The following PITPNM2 variants were observed in gnomAD, a reference collection of about 807,000 sequenced individuals.
The protein encoded by PITPNM2 is phosphatidylinositol transfer protein membrane associated 2, also known as membrane-associated phosphatidylinositol transfer protein 2.
In PITPNM2, 35 loss-of-function variants were observed where a neutral mutation model predicts 132.2. The ratio of observed to expected loss-of-function variants is 0.26; its 90% confidence interval spans 0.20 to 0.35. PITPNM2 has a LOEUF of 0.35. Among genes scored for constraint, PITPNM2 ranks in the 10% least tolerant of loss-of-function variants. The pLI is 1.00. For synonymous variants in PITPNM2, 738 were observed against 799.2 expected (o/e 0.92, Z 1.29); for missense variants, 1,332 against 1,912.0 (o/e 0.70, Z 5.66).
In PITPNM2 at chr12:123,036,394, G is replaced by A. The variant is rs1396205966; in HGVS notation, c.-95-1709C>T. On this transcript the variant is annotated intron_variant, in intron 2 of 25. Coordinates refer to ENST00000320201, the MANE Select transcript of PITPNM2 (RefSeq NM_020845.3). The surrounding 1 kb of genome is among the most constrained non-coding windows in gnomAD (Gnocchi z 4.1). ...TGTTTAGTTCACAGCAGGTAGGAAC[G>A]TCAGCCCGAAGCCCATTCAAATTCT... is the stretch of plus-strand genomic sequence containing the variant. Among the ~76,000 whole-genome samples, 2 of 152,158 alleles carry A rather than the reference G, an allele frequency of 1.3e-5. No homozygotes were observed. Among genetic ancestry groups the A allele is most frequent in the African/African-American group, 4.8e-5 (2 of 41,430 alleles).
At chr12:123,046,524 C>T (rs982585030) in intron 2 of PITPNM2, among the ~76,000 whole-genome samples, 1 of 152,088 alleles carries the variant, frequency 6.6e-6, no homozygotes, top group South Asian at 2.1e-4. Context: ...CAACCATCAC[C>T]CCTATCTAAT....
Position 122,988,296 on chromosome 12 carries a change from C to G in PITPNM2, c.2935G>C (p.Val979Leu), listed in dbSNP as rs969012936. 2.5e-6 allele frequency: 4 copies of G among 1,613,346 alleles called. No individual in the cohort carries two copies. In the African/African-American group the frequency reaches 5.3e-5, roughly 22 times the overall value. Reference sequence around the variant, plus strand: ...TCCCTTGGCTTTGAGGGGGTGAACACCGACACTTCCTTGCCATCCAGCTCC... The same window carrying G: ...TCCCTTGGCTTTGAGGGGGTGAACAGCGACACTTCCTTGCCATCCAGCTCC... ...ILELDGKEVS[V>L]FTPSKPREKW... is the part of the protein sequence containing the mutation. The change falls in exon 20 of 26, where the codon GTG (valine) becomes CTG (leucine). Residue 979 changes from valine (V) to leucine (L), a missense_variant. Val to Leu is a conservative substitution (Grantham distance 32, BLOSUM62 1). This residue lies in a region of PITPNM2 where 251 missense variants were observed against 472.0 expected (regional missense o/e 0.53). Transcript: ENST00000320201.
intron 2 of PITPNM2, among the ~76,000 whole-genome samples, chr12:123,057,965 C>G (rs1391753499): frequency 6.6e-6 from 1 of 152,188 alleles, no homozygotes; most frequent in Non-Finnish European, 1.5e-5. Context: ...ACCCTCCGTG[C>G]CAGCTGGGCC....
chr12:123,045,890 C>A (rs898842502), intron 2 of PITPNM2, among the ~76,000 whole-genome samples: 12 of 152,102 alleles, frequency 7.9e-5, no homozygotes, highest in Non-Finnish European at 1.8e-4. Context: ...CCACTCTGAG[C>A]CCCCGTGACT....
rs2038429374 is a variant in PITPNM2 at position 122,996,466 on chromosome 12, T to C, written c.1774A>G (p.Ser592Gly). 6.2e-7 allele frequency: 1 copy of C among 1,613,100 alleles called. No individual in the cohort carries two copies. The highest frequency in any genetic ancestry group is 8.5e-7 in the Non-Finnish European group (1 of 1,179,994). Reference sequence around the variant, plus strand: ...GGCCCCCACTTGGGTACCTGCATGCTGACCACGCTGCCCCGGCGGCTGCTG... The same window carrying C: ...GGCCCCCACTTGGGTACCTGCATGCCGACCACGCTGCCCCGGCGGCTGCTG... ...QSSSRRGSVV[S>G]MQDNDLLSPG... is the part of the protein sequence containing the mutation. Residue 592 changes from serine (S) to glycine (G), a missense_variant, in exon 13 of 26, where the codon AGC becomes GGC. Ser to Gly is a moderately conservative substitution (Grantham distance 56). Transcript: ENST00000320201.
chr12:123,109,110 C>T, intron 2 of PITPNM2, among the ~76,000 whole-genome samples: 1 of 152,196 alleles, frequency 6.6e-6, no homozygotes, highest in East Asian at 1.9e-4. Context: ...GCAGCAGGGG[C>T]TGGGTACATT....
chr12:122,986,263 C>A lies in PITPNM2; in HGVS notation c.3814G>T (p.Ala1272Ser). Reference sequence around the variant, plus strand: ...AGGCCGAAGCTGCCCTTGCGCAGCGCCATGCGGGTGGCCGTGTTGCGAGCG... The same window carrying A: ...AGGCCGAAGCTGCCCTTGCGCAGCGACATGCGGGTGGCCGTGTTGCGAGCG... ...RPARNTATRMALRKGSFGLPG... is the reference protein window; with the variant it reads ...RPARNTATRMSLRKGSFGLPG... Residue 1272 changes from alanine to serine, a missense_variant, in exon 26 of 26, where the codon GCG (alanine) becomes TCG (serine). By Grantham distance (99) the Ala-to-Ser change is moderately conservative. Coordinates refer to ENST00000320201, the MANE Select transcript of PITPNM2 (RefSeq NM_020845.3). 6.3e-7 allele frequency: 1 copy of A among 1,582,178 alleles called. No individual in the cohort carries two copies. Among genetic ancestry groups the A allele is most frequent in the Non-Finnish European group, 8.6e-7 (1 of 1,168,842 alleles).
chr12:123,025,897 A>G lies in PITPNM2; in HGVS notation c.78+8616T>C, dbSNP rs576033119. 1.5e-4 allele frequency among the ~76,000 whole-genome samples: 23 copies of G among 152,136 alleles called. 1 individual carries two copies. In the South Asian group the frequency reaches 3.9e-3, roughly 26 times the overall value. ...TTAGGAAAGGTGTATTAGCACTATT[A>G]CCCCCAAGTCACAGATGAGACGATC... On this transcript the variant is annotated intron_variant, in intron 3 of 25. Transcript: ENST00000320201.
At chr12:123,001,198 G>T (rs754106698) in intron 8 of PITPNM2, 40 bp from the exon 9 acceptor site, 13 of 1,544,800 alleles carry the variant, frequency 8.4e-6, no homozygotes, top group Non-Finnish European at 1.2e-5. Flanking sequence ...GACTGGGAAC[G>T]CTGGGGAAGC....
rs577737704 is a variant in PITPNM2, at chr12:123,012,913, A to G, written c.294-179T>C. ...CTTGGATCGCCACTTTGTCCCAAGAACAGCCAGGATGGGGGCAGGGAAGGA... is the reference window on the plus strand; with the variant it reads ...CTTGGATCGCCACTTTGTCCCAAGAGCAGCCAGGATGGGGGCAGGGAAGGA... On this transcript the variant is annotated intron_variant, in intron 4 of 25. Coordinates refer to ENST00000320201, the MANE Select transcript of PITPNM2 (RefSeq NM_020845.3). Among the ~76,000 whole-genome samples, 13 of 152,252 alleles carry G rather than the reference A, an allele frequency of 8.5e-5. No homozygotes were observed. The South Asian group carries it at 2.5e-3, about 29-fold the overall frequency.
intron 2 of PITPNM2, chr12:123,091,399 T>G (rs1170860273): frequency 6.6e-6 from 1 of 152,160 alleles, no homozygotes; most frequent in Non-Finnish European, 1.5e-5. Flanking sequence ...CTTATCAATT[T>G]CCCCCATTTC....
chr12:123,123,627 A>C (rs545794445), intron 1 of PITPNM2, among the ~76,000 whole-genome samples: 2 of 152,076 alleles, frequency 1.3e-5, no homozygotes, highest in South Asian at 2.1e-4. Flanking sequence ...AAAAACAAAA[A>C]AAAATTAAAT....
chr12:123,018,006 TCCTTCCTTCCTTC>T (rs1428036029), intron 3 of PITPNM2, among the ~76,000 whole-genome samples: 4 of 136,358 alleles, frequency 2.9e-5, no homozygotes, highest in African/African-American at 1.2e-4. Context: ...CTTCCTTCCT[TCCTTCCTTCCTTC>T]CTTCCTTCCT....
At chr12:123,137,786 A>T (rs1429996434) in intron 1 of PITPNM2, among the ~76,000 whole-genome samples, 1 of 151,428 alleles carries the variant, frequency 6.6e-6, no homozygotes, top group Non-Finnish European at 1.5e-5. Flanking sequence ...CCAGCTACTC[A>T]GGAGGCTGAG....
At position 123,077,147 on chromosome 12, in the gene PITPNM2, G is replaced by T. The variant is rs901375651; in HGVS notation, c.-96+33238C>A. Among the ~76,000 whole-genome samples, 2 of 152,312 alleles carry T rather than the reference G, an allele frequency of 1.3e-5. No individual in the cohort carries two copies. The highest frequency in any genetic ancestry group is 6.5e-5 in the Admixed American group (1 of 15,304). ...AAATCCTGCCTGACCAAACTGTGCCGAGGGGCTGTCCCAAACAGATGGTGC... is the reference window on the plus strand; with the variant it reads ...AAATCCTGCCTGACCAAACTGTGCCTAGGGGCTGTCCCAAACAGATGGTGC... On this transcript the variant is annotated intron_variant, in intron 2 of 25. Coordinates refer to ENST00000320201, the MANE Select transcript of PITPNM2 (RefSeq NM_020845.3). The surrounding 1 kb of genome is among the most constrained non-coding windows in gnomAD (Gnocchi z 4.8).
At chr12:123,021,479 G>A (rs1382233831) in intron 3 of PITPNM2, among the ~76,000 whole-genome samples, 4 of 152,212 alleles carry the variant, frequency 2.6e-5, no homozygotes, top group African/African-American at 9.6e-5. Flanking sequence ...CTACAGGCGT[G>A]CACCCCACCA....
Position 123,095,207 on chromosome 12 carries a change from G to C in PITPNM2, c.-96+15178C>G, listed in dbSNP as rs1315132698. 1.3e-5 allele frequency among the ~76,000 whole-genome samples: 2 copies of C among 152,144 alleles called. No individual in the cohort carries two copies. Among genetic ancestry groups the C allele is most frequent in the African/African-American group, 4.8e-5 (2 of 41,428 alleles). On this transcript the variant is annotated intron_variant, in intron 2 of 25. Coordinates refer to ENST00000320201, the MANE Select transcript of PITPNM2 (RefSeq NM_020845.3). The surrounding 1 kb of genome is among the most constrained non-coding windows in gnomAD (Gnocchi z 5.0). ...CCCAGGGGAATGGGCTGCTCCCCTG[G>C]GGAGTCGGTTATCTCTGCTCCAGAC...
intron 2 of PITPNM2, among the ~76,000 whole-genome samples, chr12:123,080,968 T>C (rs2041945029): frequency 6.6e-6 from 1 of 152,220 alleles, no homozygotes; most frequent in African/African-American, 2.4e-5. Flanking sequence ...ATGTGATGAA[T>C]GGGAGTGGGA....
chr12:122,995,344 C>CT, intron 14 of PITPNM2, 45 bp downstream of exon 14: 1 of 1,541,898 alleles, frequency 6.5e-7, no homozygotes, highest in Non-Finnish European at 8.7e-7. Context: ...CTTGGAGCCT[C>CT]TTCCCACACC....
Sources: allele counts gnomAD v4.1 joint callset (sites outside exome capture counted in the v4.1 genomes callset), GRCh38; gene constraint gnomAD v4.1.1; regional missense constraint gnomAD v4.1.1; non-coding constraint Gnocchi (gnomAD v3.1); transcripts MANE v1.5; gene names NCBI Gene and HGNC (gene_info 2026-07-23, HGNC 2026-07-21).